Variants in ACSM1 observed in about 807,000 individuals in gnomAD.
ACSM1 encodes the protein acyl-CoA synthetase medium chain family member 1.
A neutral mutation model predicts 75.8 loss-of-function variants in ACSM1; 79 were observed. That is an observed-to-expected ratio of 1.04 (90% CI 0.87 to 1.26). The LOEUF (loss-of-function observed/expected upper bound fraction) is 1.26, where lower values mean the gene tolerates loss of function less well. ACSM1 is among the 50% of genes most tolerant of loss of function. The probability of loss-of-function intolerance (pLI) is 0.00; values close to 1 mark genes in which losing one functional copy is unlikely to be tolerated. For missense variants in ACSM1, 676 were observed against 720.1 expected, an observed-to-expected ratio of 0.94 and a Z score of 0.70; for synonymous variants, 279 against 265.8, an observed-to-expected ratio of 1.05 and a Z score of -0.48.
At chr16:20,685,514 G>A in intron 2 of ACSM1, 111 bp from the exon 3 acceptor site, 2 of 1,015,386 alleles carry the variant, frequency 2.0e-6, no homozygotes, top group South Asian at 2.7e-5. Context: ...CTTAAGGACT[G>A]AGATCCCATT....
chr16:20,631,030 T>C (rs4092390), intron 10 of ACSM1, among the ~76,000 whole-genome samples: 18,814 of 152,250 alleles, frequency 0.12, 1,635 homozygotes, highest in East Asian at 0.49. Context: ...AACACAGTGC[T>C]AAAAAGGTAA....
chr16:20,663,287 G>A (rs919600801), intron 6 of ACSM1, among the ~76,000 whole-genome samples: 8 of 152,202 alleles, frequency 5.3e-5, no homozygotes, highest in Admixed American at 1.3e-4. Flanking sequence ...TTGATGCACT[G>A]CTACTTTTCT....
intron 3 of ACSM1, among the ~76,000 whole-genome samples, chr16:20,683,775 G>A (rs1489613533): frequency 7.0e-6 from 1 of 143,804 alleles, no homozygotes; most frequent in Non-Finnish European, 1.5e-5. Context: ...TCACCATGTT[G>A]GCCAGGATGG....
chr16:20,651,839 T>A (rs2018666208), intron 7 of ACSM1, among the ~76,000 whole-genome samples: 1 of 152,108 alleles, frequency 6.6e-6, no homozygotes, highest in Non-Finnish European at 1.5e-5. Flanking sequence ...AAATTATTGG[T>A]AAAATAATAT....
At chr16:20,668,725 T>C (rs2019712792) in intron 6 of ACSM1, among the ~76,000 whole-genome samples, 1 of 152,174 alleles carries the variant, frequency 6.6e-6, no homozygotes, top group South Asian at 2.1e-4. Flanking sequence ...ACTGGAGCAC[T>C]GCAGTATTCA....
intron 10 of ACSM1, among the ~76,000 whole-genome samples, chr16:20,632,987 A>G (rs900223188): frequency 6.6e-6 from 1 of 152,214 alleles, no homozygotes; most frequent in Non-Finnish European, 1.5e-5. Context: ...CTTTCATGGT[A>G]AAAACACTAA....
At chr16:20,626,767 A>C (rs1261708453) in intron 11 of ACSM1, among the ~76,000 whole-genome samples, 1 of 152,038 alleles carries the variant, frequency 6.6e-6, no homozygotes, top group Non-Finnish European at 1.5e-5. Flanking sequence ...ATGTATAACA[A>C]ATATATTCAT....
rs201411317 is a variant in ACSM1, at chr16:20,636,765, G to A, written c.1273C>T (p.Pro425Ser). 1.9e-6 allele frequency: 3 copies of A among 1,614,118 alleles called. No homozygotes were observed. The highest frequency in any genetic ancestry group is 2.5e-6 in the Non-Finnish European group (3 of 1,179,988). ...TCATAGCACATGAAGAGGCTCACAG[G>A]CCTGACAGGTTTGATTCTGATGCCA... ...NIGIRIKPVR[P>S]VSLFMCYEGD... Residue 425 changes from proline (P) to serine (S), a missense_variant, in exon 10 of 14, where the codon CCT (proline) becomes TCT (serine). By Grantham distance (74) the Pro-to-Ser change is moderately conservative. Coordinates refer to ENST00000520010, the MANE Select transcript of ACSM1 (RefSeq NM_001318890.3).
intron 10 of ACSM1, among the ~76,000 whole-genome samples, chr16:20,628,845 G>A (rs1446759231): frequency 6.6e-6 from 1 of 152,146 alleles, no homozygotes; most frequent in Non-Finnish European, 1.5e-5. Flanking sequence ...CTTGCTCAGA[G>A]TCACTCAGCT....
chr16:20,631,595 GCAAAGATA>G lies in ACSM1; in HGVS notation c.1300-4287_1300-4280del, dbSNP rs1203137056. Among the ~76,000 whole-genome samples the G allele has an allele frequency of 2.6e-5, 4 of 152,180 alleles. No individual in the cohort carries two copies. The East Asian group carries it at 7.7e-4, about 29-fold the overall frequency. On this transcript the variant is annotated intron_variant, in intron 10 of 13. Transcript: ENST00000520010. ...CGTGTTTATAGCACAATTTGCAATT[GCAAAGATA>G]TGGAACCAACCAAAGTGCCCATCAA...
intron 2 of ACSM1, among the ~76,000 whole-genome samples, chr16:20,687,909 C>A (rs925564318): frequency 1.3e-5 from 2 of 151,880 alleles, no homozygotes; most frequent in African/African-American, 4.8e-5. Context: ...CACGGCAAAA[C>A]CCCATCTCTA....
At chr16:20,655,027 A>T (rs1009982121) in intron 7 of ACSM1, among the ~76,000 whole-genome samples, 8 of 152,270 alleles carry the variant, frequency 5.3e-5, no homozygotes, top group East Asian at 1.9e-4. Flanking sequence ...GACTGGATTA[A>T]GAAAATGTGG....
chr16:20,671,440 GACACACACACACAC>G lies in ACSM1; in HGVS notation c.752+77_752+90del, dbSNP rs55913255. 337 of 970,766 alleles carry G rather than the reference GACACACACACACAC, an allele frequency of 3.5e-4. 2 individuals carry two copies. Among genetic ancestry groups the G allele is most frequent in the Non-Finnish European group, 4.4e-4 (317 of 722,756 alleles). 60.1% of individuals were successfully genotyped at this position (970,766 alleles called of 1,614,324 possible). ...CTTCTACTTCCAGTTCCTTTCCCAA[GACACACACACACAC>G]ACACACACACACACACACACACACA... On this transcript the variant is annotated intron_variant, in intron 5 of 13. Coordinates refer to ENST00000520010, the MANE Select transcript of ACSM1 (RefSeq NM_001318890.3).
At chr16:20,656,298 C>T (rs1420546087) in intron 7 of ACSM1, among the ~76,000 whole-genome samples, 3 of 152,022 alleles carry the variant, frequency 2.0e-5, no homozygotes, top group African/African-American at 2.4e-5. Context: ...ATGTTAAGTG[C>T]CTGTCAGATT....
intron 4 of ACSM1, among the ~76,000 whole-genome samples, chr16:20,672,471 A>AAATATAT (rs1555473775): frequency 1.9e-4 from 12 of 64,568 alleles, no homozygotes; most frequent in African/African-American, 6.1e-4. Context: ...AAAAAAAAAA[A>AAATATAT]ATATATATAT....
chr16:20,627,114 A>G (rs1388462820), intron 11 of ACSM1, 75 bp downstream of exon 11: 1 of 1,452,114 alleles, frequency 6.9e-7, no homozygotes, highest in African/African-American at 1.5e-5. Flanking sequence ...AATGCGTGAA[A>G]AAATGTCTAG....
intron 1 of ACSM1, among the ~76,000 whole-genome samples, chr16:20,691,920 A>C (rs1201928460): frequency 6.6e-6 from 1 of 152,066 alleles, no homozygotes; most frequent in Non-Finnish European, 1.5e-5. Context: ...ACAGGCGAGA[A>C]TGAAACTGAT....
intron 7 of ACSM1, among the ~76,000 whole-genome samples, chr16:20,651,551 C>T (rs992320726): frequency 2.4e-4 from 37 of 152,132 alleles, no homozygotes; most frequent in Admixed American, 2.0e-4. Flanking sequence ...ACTGCTTAAG[C>T]CCGGGAGACG....
chr16:20,636,227 T>A (rs1187258182), intron 10 of ACSM1, among the ~76,000 whole-genome samples: 1 of 152,246 alleles, frequency 6.6e-6, no homozygotes, highest in Non-Finnish European at 1.5e-5. Flanking sequence ...ATTGCTTATT[T>A]GATCAGGAGT....
Sources: gnomAD v4.1 joint callset for allele counts (sites outside exome capture counted in the v4.1 genomes callset) on GRCh38, gnomAD v4.1.1 for gene constraint, MANE v1.5 for transcripts, NCBI Gene and HGNC (gene_info 2026-07-23, HGNC 2026-07-21) for gene names.